Variants in SEMA5A observed in about 807,000 individuals in gnomAD.
SEMA5A encodes semaphorin-5A.
In SEMA5A, 55 loss-of-function variants were observed where a neutral mutation model predicts 135.5. That is an observed-to-expected ratio of 0.41 (90% CI 0.33 to 0.51). SEMA5A has a LOEUF of 0.51. Among genes scored for constraint, SEMA5A ranks in the 20% least tolerant of loss-of-function variants. SEMA5A has a pLI of 0.37. For synonymous variants in SEMA5A, 580 were observed against 546.5 expected, an observed-to-expected ratio of 1.06 and a Z score of -0.85; for missense variants, 1,290 against 1,419.9, an observed-to-expected ratio of 0.91 and a Z score of 1.47.
At chr5:9,445,206 C>T (rs1758386525) in intron 1 of SEMA5A, among the ~76,000 whole-genome samples, 2 of 152,266 alleles carry the variant, frequency 1.3e-5, no homozygotes, top group East Asian at 1.9e-4. Context: ...ACCACAATGA[C>T]ATGGGAGGTC....
At chr5:9,224,190 T>G (rs1747163405) in intron 8 of SEMA5A, among the ~76,000 whole-genome samples, 1 of 152,194 alleles carries the variant, frequency 6.6e-6, no homozygotes, top group Admixed American at 6.5e-5. Flanking sequence ...TACTACTAAC[T>G]TCTAAGTATG....
chr5:9,372,529 T>C (rs1250368192), intron 3 of SEMA5A, among the ~76,000 whole-genome samples: 1 of 151,630 alleles, frequency 6.6e-6, no homozygotes, highest in African/African-American at 2.4e-5. Flanking sequence ...TATGCATGGA[T>C]ACATGGACAC....
chr5:9,134,097 A>C (rs1024692877), intron 13 of SEMA5A, among the ~76,000 whole-genome samples: 2 of 152,130 alleles, frequency 1.3e-5, no homozygotes, highest in African/African-American at 4.8e-5. Flanking sequence ...AAGTTTTCTG[A>C]GGCCTCTTCA....
intron 2 of SEMA5A, among the ~76,000 whole-genome samples, chr5:9,383,212 G>A (rs1213671575): frequency 6.6e-6 from 1 of 152,184 alleles, no homozygotes; most frequent in Non-Finnish European, 1.5e-5. Flanking sequence ...CCAGTCCAAA[G>A]GTAACAAGAT....
chr5:9,543,473 C>T (rs74982463), intron 1 of SEMA5A, among the ~76,000 whole-genome samples: 14,635 of 152,164 alleles, frequency 0.096, 952 homozygotes, highest in Non-Finnish European at 0.14. Flanking sequence ...AAAATTTCCT[C>T]TGGACAGAGA....
chr5:9,424,757 T>A (rs933654193), intron 2 of SEMA5A, among the ~76,000 whole-genome samples: 2 of 152,102 alleles, frequency 1.3e-5, no homozygotes, highest in African/African-American at 4.8e-5. Context: ...TTCCCCTCTC[T>A]CCAATGCCCA....
At chr5:9,285,211 C>T (rs760099777) in intron 5 of SEMA5A, among the ~76,000 whole-genome samples, 6 of 152,166 alleles carry the variant, frequency 3.9e-5, no homozygotes, top group Non-Finnish European at 8.8e-5. Context: ...TCTAACATTT[C>T]TTGTTACAAA....
chr5:9,274,676 C>T (rs1042479140), intron 5 of SEMA5A, among the ~76,000 whole-genome samples: 2 of 152,130 alleles, frequency 1.3e-5, no homozygotes, highest in African/African-American at 4.8e-5. Flanking sequence ...GATTAAGAAA[C>T]GCACTCAAAA....
chr5:9,506,898 A>T (rs750934829), intron 1 of SEMA5A, among the ~76,000 whole-genome samples: 1 of 152,138 alleles, frequency 6.6e-6, no homozygotes, highest in Non-Finnish European at 1.5e-5. Flanking sequence ...TCCCAGACTC[A>T]TGAGCTTGTG....
At chr5:9,206,950 C>T (rs1472663393) in intron 8 of SEMA5A, among the ~76,000 whole-genome samples, 3 of 145,520 alleles carry the variant, frequency 2.1e-5, no homozygotes, top group Non-Finnish European at 3.0e-5. Context: ...ATTTTGGCAT[C>T]GTGTACAGGC....
rs895931664 is a variant in SEMA5A, at chr5:9,284,477, G to C, written c.270+33895C>G. ...TTATGTAGAGAAGGCAACCGTTTGGGAGTTAACAATGAGCCAGCATATAAG... is the reference window on the plus strand; with the variant it reads ...TTATGTAGAGAAGGCAACCGTTTGGCAGTTAACAATGAGCCAGCATATAAG... On this transcript the variant is annotated intron_variant, in intron 5 of 22. Transcript: ENST00000382496. Among the ~76,000 whole-genome samples the C allele has an allele frequency of 2.0e-5, 3 of 152,188 alleles. No homozygotes were observed. In the East Asian group the frequency reaches 5.8e-4, roughly 29 times the overall value.
chr5:9,219,599 C>A (rs1746819246), intron 8 of SEMA5A, among the ~76,000 whole-genome samples: 1 of 152,044 alleles, frequency 6.6e-6, no homozygotes. Flanking sequence ...AGAGGGAAGA[C>A]CATGTTTAGA....
chr5:9,069,107 C>A (rs1159661708), intron 16 of SEMA5A, among the ~76,000 whole-genome samples: 1 of 152,188 alleles, frequency 6.6e-6, no homozygotes, highest in Non-Finnish European at 1.5e-5. Flanking sequence ...CCTTGTTTTG[C>A]ATGTACCAAA....
intron 16 of SEMA5A, among the ~76,000 whole-genome samples, chr5:9,105,215 T>C (rs1739848228): frequency 6.6e-6 from 1 of 152,200 alleles, no homozygotes; most frequent in African/African-American, 2.4e-5. Context: ...AGAGAACTAA[T>C]AGCTCTTGGC....
At chr5:9,097,160 A>G (rs1739366810) in intron 16 of SEMA5A, among the ~76,000 whole-genome samples, 1 of 152,184 alleles carries the variant, frequency 6.6e-6, no homozygotes. Flanking sequence ...AAAGACAGGT[A>G]CCCAGAGCAT....
At chr5:9,370,817 T>A (rs1317125263) in intron 3 of SEMA5A, among the ~76,000 whole-genome samples, 2 of 152,108 alleles carry the variant, frequency 1.3e-5, no homozygotes, top group Admixed American at 1.3e-4. Flanking sequence ...AAGGAGGACA[T>A]AATCCAAGAA....
At chr5:9,434,334 G>A (rs180943179) in intron 2 of SEMA5A, among the ~76,000 whole-genome samples, 148 of 152,082 alleles carry the variant, frequency 9.7e-4, no homozygotes, top group Admixed American at 1.9e-3. Context: ...ATTAAATGTC[G>A]TCTGTGATTG....
intron 11 of SEMA5A, among the ~76,000 whole-genome samples, chr5:9,183,861 C>T (rs188097451): frequency 9.8e-5 from 15 of 152,320 alleles, no homozygotes; most frequent in Non-Finnish European, 1.5e-4. Context: ...TACATTATCC[C>T]TAAATTTTCC....
At chr5:9,337,999 T>C (rs1579370138) in intron 3 of SEMA5A, among the ~76,000 whole-genome samples, 187 bp from the exon 4 acceptor site, 1 of 152,078 alleles carries the variant, frequency 6.6e-6, no homozygotes, top group East Asian at 1.9e-4. Flanking sequence ...TAAGAACTTG[T>C]AAAGCACAGA....
Sources: allele counts gnomAD v4.1 joint callset (sites outside exome capture counted in the v4.1 genomes callset), GRCh38; gene constraint gnomAD v4.1.1; transcripts MANE v1.5; gene names NCBI Gene and HGNC (gene_info 2026-07-23, HGNC 2026-07-21).